Variants in STXBP4 observed in about 807,000 individuals in gnomAD.
STXBP4 encodes syntaxin-binding protein 4.
In STXBP4, 55 loss-of-function variants were observed where a neutral mutation model predicts 76.1. The observed-to-expected ratio is 0.72, with a 90% CI of 0.58 to 0.91. The LOEUF is 0.91. Ranked by LOEUF, STXBP4 falls within the 40% of genes least tolerant of loss-of-function variation. STXBP4 has a pLI of 0.00. For missense variants in STXBP4, 618 were observed against 636.9 expected (o/e 0.97, Z 0.32); for synonymous variants, 201 against 220.2 (o/e 0.91, Z 0.77).
At chr17:54,983,700 A>G (rs1200218333) in intron 1 of STXBP4, among the ~76,000 whole-genome samples, 1 of 152,170 alleles carries the variant, frequency 6.6e-6, no homozygotes, top group East Asian at 1.9e-4. Flanking sequence ...ACATAGTGCC[A>G]ATTAATGGTA....
intron 16 of STXBP4, among the ~76,000 whole-genome samples, chr17:55,111,558 A>G (rs771269896): frequency 6.6e-6 from 1 of 152,070 alleles, no homozygotes; most frequent in Non-Finnish European, 1.5e-5. Flanking sequence ...TGTCCTCATG[A>G]GAGTACCTGA....
chr17:55,077,769 C>T (rs758014388), intron 13 of STXBP4, among the ~76,000 whole-genome samples: 1 of 149,598 alleles, frequency 6.7e-6, no homozygotes, highest in Admixed American at 6.7e-5. Context: ...GTAGAGGTTT[C>T]TGTCAGCATC....
chr17:54,996,178 T>G (rs2077799126), intron 4 of STXBP4, among the ~76,000 whole-genome samples: 1 of 150,712 alleles, frequency 6.6e-6, no homozygotes, highest in South Asian at 2.1e-4. Flanking sequence ...CCAGCAGAGA[T>G]AGTGTTTGAA....
At chr17:55,041,439 A>T (rs2078698082) in intron 10 of STXBP4, among the ~76,000 whole-genome samples, 1 of 151,716 alleles carries the variant, frequency 6.6e-6, no homozygotes, top group Non-Finnish European at 1.5e-5. Flanking sequence ...GCTGATCTCA[A>T]CCTCCTGGAC....
At chr17:55,068,876 T>C (rs1175298597) in intron 12 of STXBP4, among the ~76,000 whole-genome samples, 1 of 152,104 alleles carries the variant, frequency 6.6e-6, no homozygotes, top group African/African-American at 2.4e-5. Context: ...TCAAAGCCCA[T>C]GTTTTTTCAT....
chr17:55,003,190 G>C (rs922481478), intron 7 of STXBP4, among the ~76,000 whole-genome samples: 6 of 152,182 alleles, frequency 3.9e-5, no homozygotes, highest in Non-Finnish European at 7.4e-5. Context: ...GGATGAGCTA[G>C]ATGTCAGATG....
chr17:55,197,234 A>G, the STXBP4 span, among the ~76,000 whole-genome samples: 3 of 152,234 alleles, frequency 2.0e-5, no homozygotes, highest in African/African-American at 4.8e-5. Flanking sequence ...TGTTGTGTGG[A>G]TCTTCTTAGC....
chr17:55,039,447 G>A (rs753725623), intron 10 of STXBP4, among the ~76,000 whole-genome samples: 6 of 152,062 alleles, frequency 3.9e-5, no homozygotes, highest in Non-Finnish European at 7.4e-5. Flanking sequence ...TAGTCAGTGA[G>A]GAGCCATTAA....
At chr17:55,077,323 TA>T (rs1459831187) in intron 13 of STXBP4, among the ~76,000 whole-genome samples, 1 of 152,168 alleles carries the variant, frequency 6.6e-6, no homozygotes, top group African/African-American at 2.4e-5. Flanking sequence ...CAATTTAAAG[TA>T]AAATTTCAGC....
intron 8 of STXBP4, among the ~76,000 whole-genome samples, chr17:55,008,592 C>G (rs2078049561): frequency 6.6e-6 from 1 of 152,078 alleles, no homozygotes; most frequent in Admixed American, 6.6e-5. Flanking sequence ...ACAGGGAAAA[C>G]TGTATTTTTA....
the STXBP4 span, among the ~76,000 whole-genome samples, chr17:55,212,828 A>G: frequency 6.6e-6 from 1 of 150,464 alleles, no homozygotes; most frequent in Non-Finnish European, 1.5e-5. Flanking sequence ...AAAACTGGAG[A>G]GGTGGGGAGA....
intron 16 of STXBP4, among the ~76,000 whole-genome samples, chr17:55,114,211 T>G (rs968497203): frequency 6.6e-6 from 1 of 152,074 alleles, no homozygotes; most frequent in Admixed American, 6.6e-5. Context: ...GCAAATATTG[T>G]TTACAAATAT....
chr17:55,154,019 T>C (rs1032684424), intron 17 of STXBP4, among the ~76,000 whole-genome samples: 1 of 152,210 alleles, frequency 6.6e-6, no homozygotes, highest in Non-Finnish European at 1.5e-5. Flanking sequence ...AGAGTGACGC[T>C]ATCTGAAATA....
intron 3 of STXBP4, among the ~76,000 whole-genome samples, chr17:54,989,269 G>T (rs1391500647): frequency 6.6e-6 from 1 of 152,148 alleles, no homozygotes; most frequent in African/African-American, 2.4e-5. Flanking sequence ...CACCGCGCCT[G>T]GCTAATTTTT....
intron 8 of STXBP4, among the ~76,000 whole-genome samples, chr17:55,011,508 CTTTTTTT>C (rs3080154): frequency 3.0e-4 from 26 of 85,924 alleles, no homozygotes; most frequent in Admixed American, 1.3e-3. Context: ...TTTTCTTTTT[CTTTTTTT>C]TTTTTTTTTT....
At chr17:55,124,670 T>A (rs888194075) in intron 16 of STXBP4, among the ~76,000 whole-genome samples, 2 of 152,172 alleles carry the variant, frequency 1.3e-5, no homozygotes, top group Non-Finnish European at 2.9e-5. Context: ...TGTGCAAAAT[T>A]TGGATCCATT....
chr17:55,033,549 A>G (rs1332992394), intron 9 of STXBP4, among the ~76,000 whole-genome samples: 1 of 152,208 alleles, frequency 6.6e-6, no homozygotes, highest in East Asian at 1.9e-4. Flanking sequence ...TACAGTAGCC[A>G]AAGTGGAAAA....
In STXBP4 at chr17:55,085,052, T is replaced by C. The variant is rs569241129; in HGVS notation, c.1489+3869T>C. On this transcript the variant is annotated intron_variant, in intron 16 of 17. Transcript: ENST00000376352. ...CCATAAAAATGATGAGTTCGTGTCC[T>C]TTGTAGGGACATGGATGAAATTGGA... is the stretch of plus-strand genomic sequence containing the variant. Among the ~76,000 whole-genome samples the C allele has an allele frequency of 1.2e-4, 18 of 152,310 alleles. 1 individual carries two copies. The highest frequency in any genetic ancestry group is 4.1e-4 in the African/African-American group (17 of 41,568).
chr17:55,102,564 G>C (rs1198998875), intron 16 of STXBP4, among the ~76,000 whole-genome samples: 2 of 152,118 alleles, frequency 1.3e-5, no homozygotes, highest in Non-Finnish European at 2.9e-5. Flanking sequence ...CTTTGCTATT[G>C]TGAACAGTGC....
Sources: allele counts gnomAD v4.1 joint callset (sites outside exome capture counted in the v4.1 genomes callset), GRCh38; gene constraint gnomAD v4.1.1; transcripts MANE v1.5; gene names NCBI Gene and HGNC (gene_info 2026-07-23, HGNC 2026-07-21).